Variants in ATP10A observed in about 807,000 individuals in gnomAD.
ATP10A encodes ATPase phospholipid transporting 10A (putative), also known as phospholipid-transporting ATPase VA.
Under a neutral mutation model 147.8 loss-of-function variants are expected in ATP10A, and 111 were observed. The observed-to-expected ratio is 0.75, with a 90% CI of 0.64 to 0.88. The LOEUF (loss-of-function observed/expected upper bound fraction) is 0.88. Among genes scored for constraint, ATP10A ranks in the 40% least tolerant of loss-of-function variants. ATP10A has a pLI of 0.00. For synonymous variants in ATP10A, 875 were observed against 841.6 expected (o/e 1.04, Z -0.69); for missense variants, 1,927 against 1,959.0 (o/e 0.98, Z 0.31).
At chr15:25,787,807 GT>G (rs796592773) in intron 1 of ATP10A, among the ~76,000 whole-genome samples, 2 of 151,664 alleles carry the variant, frequency 1.3e-5, no homozygotes. Context: ...ACCAAACTGT[GT>G]TTTTTTTGCT....
chr15:25,821,325 G>C (rs1891871706), intron 1 of ATP10A, among the ~76,000 whole-genome samples: 1 of 151,974 alleles, frequency 6.6e-6, no homozygotes, highest in African/African-American at 2.4e-5. Context: ...GGAGATCGAG[G>C]CTGCAATGAG....
intron 2 of ATP10A, among the ~76,000 whole-genome samples, chr15:25,760,387 A>G (rs1292606652): frequency 6.6e-6 from 1 of 152,256 alleles, no homozygotes; most frequent in African/African-American, 2.4e-5. Context: ...GCTATCAGTC[A>G]TAATTATGGT....
chr15:25,788,590 T>C (rs932082493), intron 1 of ATP10A, among the ~76,000 whole-genome samples: 1 of 152,260 alleles, frequency 6.6e-6, no homozygotes, highest in Admixed American at 6.5e-5. Context: ...ACTATTATTG[T>C]TGAAGTGAGT....
At chr15:25,846,244 C>A (rs765634392) in intron 1 of ATP10A, among the ~76,000 whole-genome samples, 13 of 152,112 alleles carry the variant, frequency 8.5e-5, no homozygotes, top group Non-Finnish European at 1.5e-4. Context: ...GTGATGCTCA[C>A]AACAATGTGA....
At chr15:25,812,997 G>A (rs1270826442) in intron 1 of ATP10A, among the ~76,000 whole-genome samples, 3 of 152,216 alleles carry the variant, frequency 2.0e-5, no homozygotes, top group African/African-American at 7.2e-5. Context: ...ATCATCTGAG[G>A]AGCCAGGCAG....
At chr15:25,716,547 G>A (rs1019784621) in intron 9 of ATP10A, among the ~76,000 whole-genome samples, 183 bp downstream of exon 9, 2 of 152,190 alleles carry the variant, frequency 1.3e-5, no homozygotes, top group Non-Finnish European at 2.9e-5. Context: ...TGGGGCCAAC[G>A]CTGCAGAACC....
chr15:25,731,644 G>A (rs1314944303), intron 3 of ATP10A, among the ~76,000 whole-genome samples: 1 of 152,248 alleles, frequency 6.6e-6, no homozygotes, highest in East Asian at 1.9e-4. Context: ...GCTAAGGAGT[G>A]AGTGCTGGGA....
At chr15:25,766,903 T>TAAA (rs778348104) in intron 2 of ATP10A, among the ~76,000 whole-genome samples, 4 of 110,640 alleles carry the variant, frequency 3.6e-5, no homozygotes, top group Non-Finnish European at 3.7e-5. Flanking sequence ...GAACTGTTTC[T>TAAA]AAAAAAAAAA....
At chr15:25,781,869 A>G (rs919005040) in intron 1 of ATP10A, among the ~76,000 whole-genome samples, 1 of 152,186 alleles carries the variant, frequency 6.6e-6, no homozygotes, top group Non-Finnish European at 1.5e-5. Flanking sequence ...CTAGGAAGAT[A>G]TGAATATTCT....
At chr15:25,823,725 C>T (rs1169924617) in intron 1 of ATP10A, among the ~76,000 whole-genome samples, 1 of 152,168 alleles carries the variant, frequency 6.6e-6, no homozygotes, top group African/African-American at 2.4e-5. Flanking sequence ...TTGCCCACAA[C>T]CAAAATGTTC....
chr15:25,736,504 T>A (rs1887290427), intron 2 of ATP10A, among the ~76,000 whole-genome samples: 1 of 152,198 alleles, frequency 6.6e-6, no homozygotes, highest in Non-Finnish European at 1.5e-5. Flanking sequence ...TTCTACAGAC[T>A]TAGGGAAGCA....
rs372690098 is a variant in ATP10A at position 25,811,211 on chromosome 15, G to A, written c.450-29988C>T. ...GGGGCACTGCCCGGACCCAGAAGGC[G>A]GAGGCTGGGATGTCCCCAGCAGAAA... is the stretch of plus-strand genomic sequence containing the variant. On this transcript the variant is annotated intron_variant, in intron 1 of 20. Coordinates refer to ENST00000555815, the MANE Select transcript of ATP10A (RefSeq NM_024490.4). Among the ~76,000 whole-genome samples the A allele has an allele frequency of 2.2e-4, 34 of 152,324 alleles. No individual in the cohort carries two copies. In the East Asian group the frequency reaches 3.5e-3, roughly 16 times the overall value.
intron 14 of ATP10A, among the ~76,000 whole-genome samples, 188 bp from the exon 15 acceptor site, chr15:25,691,979 C>T (rs539850497): frequency 1.4e-4 from 21 of 152,214 alleles, no homozygotes; most frequent in African/African-American, 4.6e-4. Flanking sequence ...AATAAGCTAG[C>T]GACACCAGGA....
intron 1 of ATP10A, among the ~76,000 whole-genome samples, chr15:25,796,516 C>T (rs1476760431): frequency 1.3e-5 from 2 of 152,344 alleles, no homozygotes; most frequent in African/African-American, 4.8e-5. Flanking sequence ...CAGCAATGCC[C>T]GAGCAGCTGG....
intron 1 of ATP10A, among the ~76,000 whole-genome samples, chr15:25,799,977 C>T (rs1274980695): frequency 6.6e-6 from 1 of 152,094 alleles, no homozygotes; most frequent in Non-Finnish European, 1.5e-5. Flanking sequence ...TGATGGATAC[C>T]TCCAACTCCT....
intron 1 of ATP10A, among the ~76,000 whole-genome samples, chr15:25,861,030 G>C (rs1425313277): frequency 2.0e-5 from 3 of 152,154 alleles, no homozygotes; most frequent in African/African-American, 7.2e-5. Flanking sequence ...ATTTGTGTAA[G>C]GGGTGCCGCT....
At chr15:25,821,059 A>T (rs535252899) in intron 1 of ATP10A, among the ~76,000 whole-genome samples, 10 of 152,350 alleles carry the variant, frequency 6.6e-5, no homozygotes, top group Admixed American at 2.0e-4. Flanking sequence ...TTTTTAATTT[A>T]AAAAACCTTA....
chr15:25,833,553 A>G (rs1197483433), intron 1 of ATP10A, among the ~76,000 whole-genome samples: 1 of 152,022 alleles, frequency 6.6e-6, no homozygotes. Flanking sequence ...ATTATTACAA[A>G]ATGGATCACA....
intron 2 of ATP10A, among the ~76,000 whole-genome samples, chr15:25,761,180 G>C (rs905085875): frequency 1.3e-5 from 2 of 152,046 alleles, no homozygotes; most frequent in African/African-American, 2.4e-5. Flanking sequence ...GACGAAAAAA[G>C]GACACACTGT....
Sources: gnomAD v4.1 joint callset for allele counts (sites outside exome capture counted in the v4.1 genomes callset) on GRCh38, gnomAD v4.1.1 for gene constraint, MANE v1.5 for transcripts, NCBI Gene and HGNC (gene_info 2026-07-23, HGNC 2026-07-21) for gene names.